BNC2: variants seen among roughly 807,000 people sequenced by gnomAD.
BNC2 encodes the protein basonuclin zinc finger protein 2.
BNC2 carries 20 observed loss-of-function variants against 76.3 expected under a neutral mutation model. The ratio of observed to expected loss-of-function variants is 0.26; its 90% CI spans 0.18 to 0.38. The LOEUF (loss-of-function observed/expected upper bound fraction) is 0.38, where lower values mean the gene tolerates loss of function less well. BNC2 is among the 10% of genes least tolerant of loss of function. The pLI, the probability that BNC2 is intolerant of heterozygous loss-of-function variation, is 1.00. For missense variants in BNC2, 1,382 were observed against 1,399.8 expected (o/e 0.99, Z 0.20); for synonymous variants, 582 against 514.8 (o/e 1.13, Z -1.77).
At chr9:16,781,840 A>C (rs908780912) in intron 1 of BNC2, among the ~76,000 whole-genome samples, 5 of 152,206 alleles carry the variant, frequency 3.3e-5, no homozygotes, top group African/African-American at 1.2e-4. Context: ...TGTGCTTTTT[A>C]TGTTAACTGT....
intron 2 of BNC2, among the ~76,000 whole-genome samples, chr9:16,734,957 G>A (rs1824621823): frequency 6.6e-6 from 1 of 152,152 alleles, no homozygotes; most frequent in Non-Finnish European, 1.5e-5. Context: ...TAGCTGACAC[G>A]TGTGTCTGTA....
At chr9:16,468,358 A>G (rs1234414495) in intron 5 of BNC2, among the ~76,000 whole-genome samples, 1 of 151,856 alleles carries the variant, frequency 6.6e-6, no homozygotes, top group African/African-American at 2.4e-5. Flanking sequence ...TCCACCAAGT[A>G]TTCTGCTAGG....
chr9:16,798,943 C>T (rs1817719560), intron 1 of BNC2, among the ~76,000 whole-genome samples: 1 of 152,142 alleles, frequency 6.6e-6, no homozygotes, highest in South Asian at 2.1e-4. Flanking sequence ...AGGTGGCCCA[C>T]AGCTAAATAC....
chr9:16,490,830 A>T (rs16934745), intron 5 of BNC2, among the ~76,000 whole-genome samples: 6,920 of 152,260 alleles, frequency 0.045, 260 homozygotes, highest in South Asian at 0.12. Context: ...ATAACAATAA[A>T]ATGCAGTGCA....
intron 4 of BNC2, among the ~76,000 whole-genome samples, chr9:16,577,036 C>T (rs983818979): frequency 1.8e-4 from 27 of 152,096 alleles, no homozygotes; most frequent in African/African-American, 5.6e-4. Context: ...GCGCCTGGCC[C>T]AAAACCTTTT....
At chr9:16,616,764 G>A (rs916080653) in intron 3 of BNC2, among the ~76,000 whole-genome samples, 1 of 149,786 alleles carries the variant, frequency 6.7e-6, no homozygotes, top group African/African-American at 2.5e-5. Flanking sequence ...CAGGAAGACA[G>A]GGATGGGAGG....
intron 3 of BNC2, among the ~76,000 whole-genome samples, chr9:16,721,762 C>T (rs908961856): frequency 6.6e-5 from 10 of 152,146 alleles, no homozygotes; most frequent in East Asian, 5.8e-4. Context: ...TCAACCTACC[C>T]GATTCACTCT....
intron 2 of BNC2, among the ~76,000 whole-genome samples, chr9:16,732,321 T>C (rs1052935878): frequency 2.6e-5 from 4 of 152,144 alleles, no homozygotes; most frequent in Admixed American, 2.0e-4. Context: ...TGTTTTCTTC[T>C]TTCTACTTAA....
intron 3 of BNC2, among the ~76,000 whole-genome samples, chr9:16,657,747 C>T (rs1223839100): frequency 6.6e-6 from 1 of 152,146 alleles, no homozygotes; most frequent in African/African-American, 2.4e-5. Flanking sequence ...TGATAGAAGG[C>T]TGTTCATAAT....
chr9:16,441,941 C>G (rs1821137410), intron 5 of BNC2, among the ~76,000 whole-genome samples: 1 of 152,132 alleles, frequency 6.6e-6, no homozygotes, highest in Admixed American at 6.5e-5. Context: ...GACGAAGATC[C>G]CAACTACCGA....
intron 3 of BNC2, among the ~76,000 whole-genome samples, chr9:16,646,842 T>C (rs1057138732): frequency 3.3e-5 from 5 of 152,152 alleles, no homozygotes; most frequent in African/African-American, 1.2e-4. Context: ...GTATGAGATA[T>C]TGTAACAGCT....
At chr9:16,569,786 G>A (rs148561116) in intron 4 of BNC2, among the ~76,000 whole-genome samples, 45 of 152,284 alleles carry the variant, frequency 3.0e-4, no homozygotes, top group Middle Eastern at 3.4e-3. Context: ...GTAGATCTAA[G>A]AAGAGATTTA....
chr9:16,621,315 AC>A (rs1820862642), intron 3 of BNC2, among the ~76,000 whole-genome samples: 1 of 152,180 alleles, frequency 6.6e-6, no homozygotes, highest in Non-Finnish European at 1.5e-5. Context: ...AAAAGGAGAA[AC>A]AGAGGGAAAC....
At chr9:16,835,060 C>T (rs1215085677) in intron 1 of BNC2, among the ~76,000 whole-genome samples, 1 of 152,150 alleles carries the variant, frequency 6.6e-6, no homozygotes, top group Admixed American at 6.5e-5. Context: ...CCTCTAGTAT[C>T]ACAAATTGTT....
rs771934441 is a variant in BNC2 at position 16,870,627 on chromosome 9, G to A, written c.3+19C>T. 10 of 1,610,720 alleles carry A rather than the reference G, an allele frequency of 6.2e-6. No individual in the cohort carries two copies. The South Asian group carries it at 8.8e-5, about 14-fold the overall frequency. On this transcript the variant is annotated intron_variant, in intron 1 of 6. Coordinates refer to ENST00000380672, the MANE Select transcript of BNC2 (RefSeq NM_017637.6). Reference sequence around the variant, plus strand: ...AGGAAGTCTAGAATAAAAGAGGAAGGAGGGTGGAAACTTCTTACCATCTCG... The same window carrying A: ...AGGAAGTCTAGAATAAAAGAGGAAGAAGGGTGGAAACTTCTTACCATCTCG...
chr9:16,788,732 A>C (rs73646255), intron 1 of BNC2, among the ~76,000 whole-genome samples: 4,888 of 152,170 alleles, frequency 0.032, 281 homozygotes, highest in African/African-American at 0.11. Context: ...CCTGGCAAAG[A>C]TCAGAGGATA....
intron 5 of BNC2, among the ~76,000 whole-genome samples, chr9:16,487,620 C>T (rs1307669375): frequency 6.6e-6 from 1 of 152,162 alleles, no homozygotes; most frequent in Non-Finnish European, 1.5e-5. Context: ...AAAGAGAGCA[C>T]TGAACCCCAG....
chr9:16,765,024 T>C (rs188097526), intron 1 of BNC2, among the ~76,000 whole-genome samples: 1 of 152,292 alleles, frequency 6.6e-6, no homozygotes, highest in Admixed American at 6.5e-5. Flanking sequence ...GAAGGTTATA[T>C]CTTCCATCTT....
chr9:16,473,496 T>G (rs1821866304), intron 5 of BNC2: 1 of 152,242 alleles, frequency 6.6e-6, no homozygotes, highest in African/African-American at 2.4e-5. Context: ...GCTCCACCAC[T>G]GTCAAAGCAA....
Sources: gnomAD v4.1 joint callset for allele counts (sites outside exome capture counted in the v4.1 genomes callset) on GRCh38, gnomAD v4.1.1 for gene constraint, MANE v1.5 for transcripts, NCBI Gene and HGNC (gene_info 2026-07-23, HGNC 2026-07-21) for gene names.